Variants in MAGI1 observed in about 807,000 individuals in gnomAD.
MAGI1 encodes the protein membrane-associated guanylate kinase, WW and PDZ domain-containing protein 1.
A neutral mutation model predicts 139.9 loss-of-function variants in MAGI1; 58 were observed. The ratio of observed to expected loss-of-function variants is 0.41; its 90% confidence interval spans 0.34 to 0.52. MAGI1 has a LOEUF of 0.52. MAGI1 is among the 20% of genes least tolerant of loss of function. The probability of loss-of-function intolerance (pLI) is 0.12; values close to 1 mark genes in which losing one functional copy is unlikely to be tolerated. For synonymous variants in MAGI1, 812 were observed against 737.9 expected (o/e 1.10, Z -1.63); for missense variants, 1,874 against 1,901.6 (o/e 0.99, Z 0.27).
intron 12 of MAGI1, among the ~76,000 whole-genome samples, chr3:65,427,183 G>A (rs964288105): frequency 6.6e-6 from 1 of 152,070 alleles, no homozygotes; most frequent in Non-Finnish European, 1.5e-5. Flanking sequence ...GTGGTGGCAT[G>A]CACCTATAGT....
At chr3:65,985,300 T>C (rs1348406192) in intron 1 of MAGI1, among the ~76,000 whole-genome samples, 1 of 152,252 alleles carries the variant, frequency 6.6e-6, no homozygotes, top group African/African-American at 2.4e-5. Flanking sequence ...AGCTGACACC[T>C]TGTTCATGAA....
chr3:66,026,643 T>C (rs765354821), intron 1 of MAGI1, among the ~76,000 whole-genome samples: 1 of 151,534 alleles, frequency 6.6e-6, no homozygotes, highest in Admixed American at 6.6e-5. Context: ...TTGTGACTCT[T>C]TGAAATAATG....
intron 1 of MAGI1, among the ~76,000 whole-genome samples, chr3:65,643,914 C>A (rs2085117806): frequency 1.3e-5 from 2 of 152,156 alleles, no homozygotes; most frequent in South Asian, 4.1e-4. Context: ...TCAAAGAAGA[C>A]TGAGTAAAGA....
intron 1 of MAGI1, among the ~76,000 whole-genome samples, chr3:65,790,164 G>C (rs986126622): frequency 1.3e-5 from 2 of 152,200 alleles, no homozygotes; most frequent in South Asian, 2.1e-4. Context: ...CGCTTACCCC[G>C]ATTTCACGAA....
chr3:65,811,613 T>C (rs541282251), intron 1 of MAGI1, among the ~76,000 whole-genome samples: 2 of 152,216 alleles, frequency 1.3e-5, no homozygotes, highest in African/African-American at 4.8e-5. Context: ...AGCTAAGGGT[T>C]ATTCATGTTT....
chr3:65,664,184 A>T (rs142054746), intron 1 of MAGI1, among the ~76,000 whole-genome samples: 1 of 152,190 alleles, frequency 6.6e-6, no homozygotes, highest in Non-Finnish European at 1.5e-5. Flanking sequence ...CAGAATGCTC[A>T]TAACAGGTTC....
chr3:65,479,072 T>G (rs1403420555), intron 3 of MAGI1, among the ~76,000 whole-genome samples: 1 of 152,176 alleles, frequency 6.6e-6, no homozygotes, highest in Non-Finnish European at 1.5e-5. Flanking sequence ...ATAGTAAACC[T>G]TCCTCCTCAT....
At chr3:65,357,484 C>A (rs1940287292) in intron 22 of MAGI1, among the ~76,000 whole-genome samples, 1 of 151,944 alleles carries the variant, frequency 6.6e-6, no homozygotes, top group African/African-American at 2.4e-5. Flanking sequence ...CCTTGTTCTT[C>A]CTTTCCCACC....
rs548149419 is a variant in MAGI1, at chr3:65,722,232, G to A, written c.314-100144C>T. Among the ~76,000 whole-genome samples the A allele has an allele frequency of 2.0e-5, 3 of 152,274 alleles. No individual in the cohort carries two copies. In the South Asian group the frequency reaches 6.2e-4, roughly 32 times the overall value. On this transcript the variant is annotated intron_variant, in intron 1 of 22. Transcript: ENST00000402939. ...TGTCGTGATACAAGTACTCACCACAGTTGATTTGTCACTATCCACCTTACC... is the reference window on the plus strand; with the variant it reads ...TGTCGTGATACAAGTACTCACCACAATTGATTTGTCACTATCCACCTTACC...
intron 1 of MAGI1, among the ~76,000 whole-genome samples, chr3:65,878,143 G>A (rs1398773312): frequency 1.3e-5 from 2 of 151,938 alleles, no homozygotes; most frequent in Non-Finnish European, 2.9e-5. Context: ...CAGGAACACG[G>A]ACATCACAAA....
chr3:65,595,813 G>A (rs1475439907), intron 2 of MAGI1, among the ~76,000 whole-genome samples: 1 of 16,304 alleles, frequency 6.1e-5, no homozygotes, highest in Non-Finnish European at 1.4e-4. Flanking sequence ...TCTCTGGGGT[G>A]GGTAGGGTGG....
intron 1 of MAGI1, among the ~76,000 whole-genome samples, chr3:65,677,628 G>C (rs898229530): frequency 3.3e-5 from 5 of 152,184 alleles, no homozygotes; most frequent in Admixed American, 2.6e-4. Flanking sequence ...TCATCACTTT[G>C]TGTTCCTTCA....
At chr3:65,816,958 A>G (rs749251999) in intron 1 of MAGI1, among the ~76,000 whole-genome samples, 1 of 152,238 alleles carries the variant, frequency 6.6e-6, no homozygotes, top group Non-Finnish European at 1.5e-5. Flanking sequence ...TAATTTAATG[A>G]TAGCGGAATA....
At chr3:65,726,955 C>CAAAAAAAAA (rs2033683717) in intron 1 of MAGI1, among the ~76,000 whole-genome samples, 1 of 136,952 alleles carries the variant, frequency 7.3e-6, no homozygotes. Context: ...GCTCCAAAAT[C>CAAAAAAAAA]CAAAAAAAAA....
intron 1 of MAGI1, among the ~76,000 whole-genome samples, chr3:65,939,883 T>C (rs1319078675): frequency 6.6e-6 from 1 of 152,168 alleles, no homozygotes; most frequent in Non-Finnish European, 1.5e-5. Flanking sequence ...ATAATATTAC[T>C]AAGTTTCTGG....
At chr3:65,807,230 C>G (rs1250817065) in intron 1 of MAGI1, among the ~76,000 whole-genome samples, 1 of 152,188 alleles carries the variant, frequency 6.6e-6, no homozygotes, top group Non-Finnish European at 1.5e-5. Flanking sequence ...ATTCACTTCT[C>G]CCAGTTCTGG....
intron 13 of MAGI1, among the ~76,000 whole-genome samples, chr3:65,394,011 C>G (rs917038043): frequency 6.6e-6 from 1 of 152,042 alleles, no homozygotes; most frequent in African/African-American, 2.4e-5. Context: ...GACCTGTCTC[C>G]CAGAGAAAAT....
At chr3:65,621,016 T>TA (rs869040925) in intron 2 of MAGI1, among the ~76,000 whole-genome samples, 1 of 13,910 alleles carries the variant, frequency 7.2e-5, no homozygotes. Flanking sequence ...CATTTGCAAG[T>TA]TTTTTTTTTA....
intron 1 of MAGI1, among the ~76,000 whole-genome samples, chr3:65,637,708 A>G (rs2084724618): frequency 6.6e-6 from 1 of 152,224 alleles, no homozygotes; most frequent in East Asian, 1.9e-4. Context: ...CTTCTAGCAC[A>G]GGGCTGTTGT....
Sources: gnomAD v4.1 joint callset for allele counts (sites outside exome capture counted in the v4.1 genomes callset) on GRCh38, gnomAD v4.1.1 for gene constraint, MANE v1.5 for transcripts, NCBI Gene and HGNC (gene_info 2026-07-23, HGNC 2026-07-21) for gene names.